TMF1: variants seen among roughly 807,000 people sequenced by gnomAD.
TMF1 encodes TATA element modulatory factor 1, also known as TATA element modulatory factor.
In TMF1, 71 loss-of-function variants were observed where a neutral mutation model predicts 126.5. The ratio of observed to expected loss-of-function variants is 0.56; its 90% CI spans 0.46 to 0.68. The LOEUF is 0.68. TMF1 is among the 30% of genes least tolerant of loss of function. TMF1 has a pLI of 0.00. For synonymous variants in TMF1, 461 were observed against 430.5 expected (o/e 1.07, Z -0.88); for missense variants, 1,259 against 1,253.2 (o/e 1.00, Z -0.07).
chr3:69,021,047 G>C lies in TMF1; in HGVS notation c.*2130C>G, dbSNP rs2091726533. ...CACGATTTTGCTTTCTGTGGTTTCG[G>C]TTACTCACGGTCAACCACAGTCTGA... On this transcript the variant is annotated 3_prime_UTR_variant, in exon 17 of 17. Transcript: ENST00000398559. The C allele has an allele frequency of 6.6e-6, 1 of 152,152 alleles. No homozygotes were observed. The highest frequency in any genetic ancestry group is 1.5e-5 in the Non-Finnish European group (1 of 68,026). The allele number at this position is 152,152 out of a possible 1,614,324, so 9.4% of individuals were successfully genotyped here.
intron 13 of TMF1, among the ~76,000 whole-genome samples, chr3:69,027,302 A>T (rs1289204991): frequency 6.6e-6 from 1 of 152,044 alleles, no homozygotes; most frequent in East Asian, 1.9e-4. Context: ...AGCCTCAGAA[A>T]ACTCATTTCA....
intron 8 of TMF1, among the ~76,000 whole-genome samples, chr3:69,037,907 A>G (rs755833447): frequency 1.3e-5 from 2 of 152,170 alleles, no homozygotes; most frequent in Non-Finnish European, 2.9e-5. Context: ...AGACAATAAT[A>G]AATCTTGGCA....
rs1370411021 is a variant in TMF1, at chr3:69,047,253, T to C, written c.1347+105A>G. 4.5e-6 allele frequency: 6 copies of C among 1,342,248 alleles called. No homozygotes were observed. The Admixed American group carries it at 1.5e-4, about 34-fold the overall frequency. The allele number at this position is 1,342,248 out of a possible 1,614,324, so 83.1% of individuals were successfully genotyped here. The stretch of plus-strand genomic sequence containing the variant: ...CAGAAATGGCAAAATGCGTATGTTT[T>C]TAAATCTGTATAAATTATTATGCAT... On this transcript the variant is annotated intron_variant, in intron 2 of 16. Transcript: ENST00000398559.
intron 6 of TMF1, 122 bp from the exon 7 acceptor site, chr3:69,039,131 C>G: frequency 3.3e-6 from 3 of 922,676 alleles, no homozygotes; most frequent in Non-Finnish European, 4.6e-6. Flanking sequence ...AAGTCTCGCT[C>G]TATTGCCCAG....
At chr3:69,023,926 C>T in intron 16 of TMF1, 129 bp downstream of exon 16, 1 of 847,386 alleles carries the variant, frequency 1.2e-6, no homozygotes, top group Non-Finnish European at 1.7e-6. Context: ...TTTTAAACTT[C>T]TTTGCTCAAA....
chr3:69,033,601 C>T lies in TMF1; in HGVS notation c.2348G>A (p.Gly783Glu). 1 of 1,614,016 alleles carries T rather than the reference C, an allele frequency of 6.2e-7. No homozygotes were observed. Among genetic ancestry groups the T allele is most frequent in the African/African-American group, 1.3e-5 (1 of 75,022 alleles). ...TTTCTCCCACGACGATGTCTGGGAT[C>T]CCAGGGTTGCTTGCAAATTTTCTAT... ...RQIENLQATL[G>E]SQTSSWEKLE... The change falls in exon 10 of 17, where the codon GGA (glycine) becomes GAA (glutamate). Residue 783 changes from glycine (G) to glutamate (E), a missense_variant. Gly to Glu is a moderately conservative substitution (Grantham distance 98). Coordinates refer to ENST00000398559, the MANE Select transcript of TMF1 (RefSeq NM_007114.3).
chr3:69,042,239 T>G (rs2091870114), intron 5 of TMF1: 1 of 417,324 alleles, frequency 2.4e-6, no homozygotes, highest in South Asian at 1.7e-5. Context: ...GGTTTCACCA[T>G]GTTGGCCAGG....
intron 13 of TMF1, among the ~76,000 whole-genome samples, chr3:69,026,331 T>A (rs1210430770): frequency 6.6e-6 from 1 of 152,212 alleles, no homozygotes; most frequent in Admixed American, 6.5e-5. Context: ...GCATGGTGGC[T>A]TATGCCTGTA....
chr3:69,036,099 T>C (rs987776363), intron 8 of TMF1, among the ~76,000 whole-genome samples: 2 of 152,018 alleles, frequency 1.3e-5, no homozygotes, highest in African/African-American at 4.8e-5. Flanking sequence ...CAATAAGAAA[T>C]AGCTGAAAAT....
rs773917764 is a variant in TMF1 at position 69,025,690 on chromosome 3, A to T, written c.2882T>A (p.Phe961Tyr). 6.2e-7 allele frequency: 1 copy of T among 1,613,952 alleles called. No homozygotes were observed. Among genetic ancestry groups the T allele is most frequent in the East Asian group, 2.2e-5 (1 of 44,852 alleles). Residue 961 changes from phenylalanine (F) to tyrosine (Y), a missense_variant, in exon 15 of 17, where the codon TTT becomes TAT. By Grantham distance (22) the Phe-to-Tyr change is conservative (BLOSUM62 3). Transcript: ENST00000398559. ...ATTTGCTGATATAGGCATTGGTCCA[A>T]ATGAGTGATCATGAGACTCATCCTA... The part of the protein sequence containing the change: ...LSQDESHDHS[F>Y]GPMPISANGS...
At position 69,042,848 on chromosome 3, in the gene TMF1, A is replaced by C; in HGVS notation, c.1643T>G (p.Leu548Trp). The change falls in exon 5 of 17, where the codon TTG (leucine) becomes TGG (tryptophan). Residue 548 changes from leucine to tryptophan, a missense_variant. Coordinates refer to ENST00000398559, the MANE Select transcript of TMF1 (RefSeq NM_007114.3). ...RLNSSETADL[L>W]KEKDEQIRGL... is the part of the protein sequence containing the mutation. Reference sequence around the variant, plus strand: ...TCGGATCTGCTCATCTTTCTCTTTCAAAAGGTCTGCAGTTTCACTACTATT... The same window carrying C: ...TCGGATCTGCTCATCTTTCTCTTTCCAAAGGTCTGCAGTTTCACTACTATT... 1 of 1,613,674 alleles carries C rather than the reference A, an allele frequency of 6.2e-7. No individual in the cohort carries two copies. The highest frequency in any genetic ancestry group is 8.5e-7 in the Non-Finnish European group (1 of 1,179,892).
chr3:69,024,247 A>G, intron 15 of TMF1, 67 bp from the exon 16 acceptor site: 1 of 1,384,966 alleles, frequency 7.2e-7, no homozygotes. Context: ...CAGTAATATA[A>G]AAATATTTAA....
chr3:69,033,224 A>C (rs554707288), intron 10 of TMF1, among the ~76,000 whole-genome samples: 117 of 147,910 alleles, frequency 7.9e-4, no homozygotes, highest in African/African-American at 2.8e-3. Flanking sequence ...CAGTGAGCCG[A>C]GATCGCGCCA....
rs747758953 is a variant in TMF1 at position 69,051,926 on chromosome 3, C to G, written c.142+19G>C. On this transcript the variant is annotated intron_variant, in intron 1 of 16. Coordinates refer to ENST00000398559, the MANE Select transcript of TMF1 (RefSeq NM_007114.3). Reference sequence around the variant, plus strand: ...CAGCAGCCTCCGGGAGCCAGGAACCCCGCTCCTCTCTCTCTTACCCGGCTC... The same window carrying G: ...CAGCAGCCTCCGGGAGCCAGGAACCGCGCTCCTCTCTCTCTTACCCGGCTC... The G allele has an allele frequency of 3.1e-6, 5 of 1,610,286 alleles. No individual in the cohort carries two copies.
intron 2 of TMF1, among the ~76,000 whole-genome samples, chr3:69,045,027 T>G (rs1223192336): frequency 6.6e-6 from 1 of 152,232 alleles, no homozygotes; most frequent in Non-Finnish European, 1.5e-5. Context: ...GGGAGATGGA[T>G]GCAATCAAAA....
At chr3:69,025,357 T>C (rs1204073316) in intron 15 of TMF1, 2 of 481,292 alleles carry the variant, frequency 4.2e-6, no homozygotes, top group African/African-American at 2.0e-5. Context: ...TTCTGGCAAT[T>C]AGCAGGTTCA....
Position 69,047,395 on chromosome 3 carries a change from T to A in TMF1, c.1310A>T (p.Gln437Leu), listed in dbSNP as rs2107469857. The A allele has an allele frequency of 1.2e-6, 2 of 1,602,774 alleles. No individual in the cohort carries two copies. The highest frequency in any genetic ancestry group is 3.4e-5 in the Admixed American group (2 of 58,184). The change falls in exon 2 of 17, where the codon CAG becomes CTG. Residue 437 changes from glutamine (Q) to leucine (L), a missense_variant. Transcript: ENST00000398559. ...VAEQCEPAESQPEALSEKEDV... is the reference protein window; with the variant it reads ...VAEQCEPAESLPEALSEKEDV... ...TTCCTTCTCAGAAAGTGCTTCTGGC[T>A]GACTTTCAGCAGGTTCACACTGCTC...
At position 69,035,032 on chromosome 3, in the gene TMF1, T is replaced by C. The variant is rs41291193; in HGVS notation, c.2235A>G (p.Glu745=). The change falls in exon 9 of 17, where the codon GAA becomes GAG. Residue 745 remains glutamate, a synonymous_variant. Transcript: ENST00000398559. ...KEDYLRHEIG[E]LQQRLQEAEN... ...AAACCTGTGACAGTACCTGCTGAAG[T>C]TCACCGATCTCATGGCGTAAATAAT... 5.0e-6 allele frequency: 8 copies of C among 1,614,066 alleles called. No homozygotes were observed. The highest frequency in any genetic ancestry group is 1.3e-5 in the African/African-American group (1 of 75,060).
At chr3:69,031,331 G>A (rs1395300167) in intron 10 of TMF1, among the ~76,000 whole-genome samples, 1 of 152,074 alleles carries the variant, frequency 6.6e-6, no homozygotes, top group Non-Finnish European at 1.5e-5. Flanking sequence ...AAGAAAAAAA[G>A]CTAACAGGAA....
Sources: gnomAD v4.1 joint callset for allele counts (sites outside exome capture counted in the v4.1 genomes callset) on GRCh38, gnomAD v4.1.1 for gene constraint, MANE v1.5 for transcripts, NCBI Gene and HGNC (gene_info 2026-07-23, HGNC 2026-07-21) for gene names.